CREBBP: variants seen among roughly 807,000 people sequenced by gnomAD.
CREBBP encodes the protein CREB-binding protein.
Under a neutral mutation model 265.0 loss-of-function variants are expected in CREBBP, and 19 were observed. The observed-to-expected ratio is 0.07, with a 90% confidence interval of 0.05 to 0.11. CREBBP has a LOEUF of 0.11. Ranked by LOEUF, CREBBP falls within the 10% of genes least tolerant of loss-of-function variation. The pLI is 1.00. For missense variants in CREBBP, 2,525 were observed against 3,219.0 expected, an observed-to-expected ratio of 0.78 and a Z score of 5.22; for synonymous variants, 1,457 against 1,223.7, an observed-to-expected ratio of 1.19 and a Z score of -3.98.
Position 3,727,990 on chromosome 16 carries a change from G to T in CREBBP, c.7057C>A (p.Arg2353=). The change falls in exon 31 of 31, where the codon CGG becomes AGG. Residue 2353 remains arginine (R), a synonymous_variant. Coordinates refer to ENST00000262367, the MANE Select transcript of CREBBP (RefSeq NM_004380.3). ...VRSPAPVQSP[R]PQSQPPHSSP... is the part of the protein sequence containing the mutation. ...GAATGTGGAGGCTGGGACTGGGGCC[G>T]TGGAGACTGGACAGGGGCTGGAGAC... 1 of 1,608,988 alleles carries T rather than the reference G, an allele frequency of 6.2e-7. No homozygotes were observed. Among genetic ancestry groups the T allele is most frequent in the Non-Finnish European group, 8.5e-7 (1 of 1,176,358 alleles).
intron 26 of CREBBP, 55 bp from the exon 27 acceptor site, chr16:3,736,870 C>T: frequency 6.2e-7 from 1 of 1,606,586 alleles, no homozygotes; most frequent in Non-Finnish European, 8.5e-7. Flanking sequence ...TCGGCCCTGC[C>T]TTTAAGGAGT....
chr16:3,777,484 T>A, intron 11 of CREBBP, 129 bp downstream of exon 11: 1 of 998,494 alleles, frequency 1.0e-6, no homozygotes, highest in Admixed American at 1.7e-5. Flanking sequence ...TGAATTCTGC[T>A]TATCAGCAAA....
intron 1 of CREBBP, among the ~76,000 whole-genome samples, chr16:3,874,333 C>T (rs1385509921): frequency 6.6e-6 from 1 of 152,180 alleles, no homozygotes; most frequent in Non-Finnish European, 1.5e-5. Flanking sequence ...AGAAAACTTG[C>T]CCTGCTGCTG....
Position 3,736,813 on chromosome 16 carries a change from T to A in CREBBP, c.4397A>T (p.Tyr1466Phe), listed in dbSNP as rs375004488. 1 of 1,608,036 alleles carries A rather than the reference T, an allele frequency of 6.2e-7. No individual in the cohort carries two copies. The highest frequency in any genetic ancestry group is 8.5e-7 in the Non-Finnish European group (1 of 1,176,466). ...GYLEYVKKLGYVTGHIWACPP... is the reference protein window; with the variant it reads ...GYLEYVKKLGFVTGHIWACPP... ...ACAGGCCCAGATGTGCCCTGTCACA[T>A]ACCTGCAGGACCCACGCACACACGT... is the stretch of plus-strand genomic sequence containing the variant. Residue 1466 changes from tyrosine to phenylalanine, a missense_variant and splice_region_variant, in exon 27 of 31, where the codon TAT becomes TTT. Tyr to Phe is a conservative substitution (Grantham distance 22, BLOSUM62 3). Around this residue, in one of 19 missense-constraint regions of CREBBP, gnomAD observed 252 missense variants for 452.5 expected, o/e 0.56. Coordinates refer to ENST00000262367, the MANE Select transcript of CREBBP (RefSeq NM_004380.3).
chr16:3,771,085 T>C (rs1053691360), intron 13 of CREBBP, 99 bp from the exon 14 acceptor site: 18 of 1,333,804 alleles, frequency 1.3e-5, no homozygotes, highest in Non-Finnish European at 1.9e-5. Flanking sequence ...AATTTTTTTT[T>C]TTGAGACAGT....
intron 4 of CREBBP, among the ~76,000 whole-genome samples, chr16:3,792,685 G>A (rs1177668287): frequency 6.6e-6 from 1 of 152,216 alleles, no homozygotes; most frequent in African/African-American, 2.4e-5. Flanking sequence ...CGGGAGACGG[G>A]GAGACCAGGG....
intron 3 of CREBBP, among the ~76,000 whole-genome samples, chr16:3,798,617 C>G (rs2053652736): frequency 6.6e-6 from 1 of 152,138 alleles, no homozygotes; most frequent in South Asian, 2.1e-4. Context: ...AAGTTAAGAC[C>G]ACAGTGAGAT....
At chr16:3,853,961 A>AACACACACAC (rs371504662) in intron 1 of CREBBP, among the ~76,000 whole-genome samples, 29 of 145,132 alleles carry the variant, frequency 2.0e-4, no homozygotes, top group African/African-American at 7.8e-4. Flanking sequence ...CAAACAAACA[A>AACACACACAC]ACACACACAC....
intron 3 of CREBBP, among the ~76,000 whole-genome samples, chr16:3,806,652 G>C (rs1406892955): frequency 1.3e-5 from 2 of 152,028 alleles, no homozygotes; most frequent in East Asian, 3.9e-4. Context: ...CCAAGAATCA[G>C]GTGGGTTCCA....
At chr16:3,785,800 A>G (rs544931317) in intron 5 of CREBBP, among the ~76,000 whole-genome samples, 1 of 152,328 alleles carries the variant, frequency 6.6e-6, no homozygotes, top group African/African-American at 2.4e-5. Flanking sequence ...TCGCTAGAGC[A>G]TAAAGCTCTA....
In CREBBP at chr16:3,793,377, A is replaced by G; in HGVS notation, c.1216+9T>C. 6.2e-7 allele frequency: 1 copy of G among 1,613,982 alleles called. No homozygotes were observed. Among genetic ancestry groups the G allele is most frequent in the Non-Finnish European group, 8.5e-7 (1 of 1,179,994 alleles). On this transcript the variant is annotated intron_variant, in intron 4 of 30. Coordinates refer to ENST00000262367, the MANE Select transcript of CREBBP (RefSeq NM_004380.3). ...CTCTACCACTAGGAGTTCCAAAAAC[A>G]GCACTTACCTTGGCAGGCTTTCCCA... is the stretch of plus-strand genomic sequence containing the variant.
At chr16:3,829,533 G>C (rs574023407) in intron 2 of CREBBP, among the ~76,000 whole-genome samples, 3 of 152,286 alleles carry the variant, frequency 2.0e-5, no homozygotes, top group African/African-American at 7.2e-5. Context: ...TAGAGACATA[G>C]AAGTTCTGAT....
chr16:3,732,417 A>G (rs2051941361), intron 28 of CREBBP, among the ~76,000 whole-genome samples: 1 of 152,100 alleles, frequency 6.6e-6, no homozygotes, highest in Non-Finnish European at 1.5e-5. Flanking sequence ...TGCGGGGTCC[A>G]CTCAAGGCCC....
At position 3,736,012 on chromosome 16, in the gene CREBBP, T is replaced by C. The variant is rs771582676; in HGVS notation, c.4728+24A>G. 2.1e-5 allele frequency: 34 copies of C among 1,614,178 alleles called. No homozygotes were observed. In the South Asian group the frequency reaches 3.3e-4, roughly 16 times the overall value. ...CAGCTCCAGCGGGACACGTGGGCAA[T>C]GGAGCTCAGAGAAGGGTCTGTACCT... On this transcript the variant is annotated intron_variant, in intron 28 of 30. Transcript: ENST00000262367.
intron 5 of CREBBP, among the ~76,000 whole-genome samples, chr16:3,783,638 G>A (rs940144794): frequency 2.6e-5 from 4 of 152,196 alleles, no homozygotes; most frequent in Non-Finnish European, 5.9e-5. Context: ...TTGGAGTGAG[G>A]CTTCGCAATT....
chr16:3,797,159 G>A (rs1240605394), intron 3 of CREBBP, among the ~76,000 whole-genome samples: 1 of 152,132 alleles, frequency 6.6e-6, no homozygotes, highest in Non-Finnish European at 1.5e-5. Context: ...GAGTACTTCG[G>A]AACCTCCCTT....
chr16:3,796,148 T>C (rs990417631), intron 3 of CREBBP, among the ~76,000 whole-genome samples: 1 of 152,210 alleles, frequency 6.6e-6, no homozygotes, highest in African/African-American at 2.4e-5. Context: ...AAAAAAATTA[T>C]ATAAAAATTA....
At chr16:3,780,542 C>T (rs1002346258) in intron 8 of CREBBP, among the ~76,000 whole-genome samples, 190 bp downstream of exon 8, 2 of 152,162 alleles carry the variant, frequency 1.3e-5, no homozygotes, top group Non-Finnish European at 2.9e-5. Flanking sequence ...TTGTCACCCC[C>T]GCTCACCGAG....
At position 3,731,261 on chromosome 16, in the gene CREBBP, G is replaced by C. The variant is rs2151316264; in HGVS notation, c.5103C>G (p.Asp1701Glu). 1 of 1,614,222 alleles carries C rather than the reference G, an allele frequency of 6.2e-7. No individual in the cohort carries two copies. The highest frequency in any genetic ancestry group is 8.5e-7 in the Non-Finnish European group (1 of 1,180,042). Residue 1701 changes from aspartate to glutamate, a missense_variant, in exon 30 of 31, where the codon GAC becomes GAG. Asp to Glu is a conservative substitution (Grantham distance 45, BLOSUM62 2). Around this residue, in one of 19 missense-constraint regions of CREBBP, gnomAD observed 62 missense variants for 156.2 expected, o/e 0.40. Transcript: ENST00000262367. This position sits in a 1 kb window ranked among gnomAD's most constrained non-coding sequence, Gnocchi z 7.7. Reference protein sequence around the residue: ...MLVELHTQGQDRFVYTCNECK... With the variant: ...MLVELHTQGQERFVYTCNECK... ...ACTCGTTGCAGGTGTAGACAAAGCG[G>C]TCCTGGCCCTGGGTGTGCAGCTCCA... is the stretch of plus-strand genomic sequence containing the variant.
Sources: allele counts gnomAD v4.1 joint callset (sites outside exome capture counted in the v4.1 genomes callset), GRCh38; gene constraint gnomAD v4.1.1; regional missense constraint gnomAD v4.1.1; non-coding constraint Gnocchi (gnomAD v3.1); transcripts MANE v1.5; gene names NCBI Gene and HGNC (gene_info 2026-07-23, HGNC 2026-07-21).